ERC2: variants seen among roughly 807,000 people sequenced by gnomAD.
The protein encoded by ERC2 is ELKS/RAB6-interacting/CAST family member 2.
In ERC2, 42 loss-of-function variants were observed where a neutral mutation model predicts 114.8. The ratio of observed to expected loss-of-function variants is 0.37; its 90% confidence interval spans 0.29 to 0.47. The LOEUF is 0.47. ERC2 is among the 20% of genes least tolerant of loss of function. The pLI is 0.99. For missense variants in ERC2, 939 were observed against 1,150.7 expected, an observed-to-expected ratio of 0.82 and a Z score of 2.66; for synonymous variants, 454 against 425.5, an observed-to-expected ratio of 1.07 and a Z score of -0.82.
At chr3:55,562,028 A>T (rs1171501224) in intron 17 of ERC2, among the ~76,000 whole-genome samples, 1 of 152,196 alleles carries the variant, frequency 6.6e-6, no homozygotes, top group African/African-American at 2.4e-5. Flanking sequence ...AAGGAGTGGA[A>T]AGCCAAGTGA....
At position 56,179,452 on chromosome 3, in the gene ERC2, GT is replaced by G; in HGVS notation, c.1075-5933del. Among the ~76,000 whole-genome samples, 3 of 152,312 alleles carry G rather than the reference GT, an allele frequency of 2.0e-5. No individual in the cohort carries two copies. The South Asian group carries it at 6.2e-4, about 32-fold the overall frequency. Reference sequence around the variant, plus strand: ...ACTTTCTTAAAGGATTACTCCCAATGTTGTATTGCAGCATGGTTTCGGGGTG... The same window carrying G: ...ACTTTCTTAAAGGATTACTCCCAATGTGTATTGCAGCATGGTTTCGGGGTG... On this transcript the variant is annotated intron_variant, in intron 3 of 17. Transcript: ENST00000288221.
intron 14 of ERC2, among the ~76,000 whole-genome samples, chr3:55,844,089 GAAATACAA>G (rs963151635): frequency 6.6e-6 from 1 of 152,128 alleles, no homozygotes; most frequent in African/African-American, 2.4e-5. Context: ...TTTTCCTCCA[GAAATACAA>G]AAATGCATAG....
chr3:56,027,387 T>C (rs2074112625), intron 7 of ERC2, among the ~76,000 whole-genome samples: 1 of 152,204 alleles, frequency 6.6e-6, no homozygotes, highest in Admixed American at 6.5e-5. Flanking sequence ...TTATATAAGA[T>C]ACTACTGCAC....
chr3:56,420,799 CAGG>C (rs1367194269), intron 2 of ERC2, among the ~76,000 whole-genome samples: 127 of 150,362 alleles, frequency 8.4e-4, no homozygotes, highest in African/African-American at 2.6e-3. Flanking sequence ...GAGGCTGATG[CAGG>C]AGGAGAATGG....
chr3:56,116,622 G>T (rs2079251820), intron 6 of ERC2, among the ~76,000 whole-genome samples: 1 of 152,138 alleles, frequency 6.6e-6, no homozygotes, highest in Admixed American at 6.5e-5. Context: ...CATCATGAGG[G>T]ATTCCCTGAG....
chr3:55,705,129 A>G (rs2063415876), intron 15 of ERC2, among the ~76,000 whole-genome samples: 1 of 152,206 alleles, frequency 6.6e-6, no homozygotes, highest in Admixed American at 6.5e-5. Context: ...AAGCCTGACT[A>G]TAAAACCGTA....
At chr3:56,119,341 G>A (rs1322264156) in intron 6 of ERC2, among the ~76,000 whole-genome samples, 1 of 152,214 alleles carries the variant, frequency 6.6e-6, no homozygotes, top group Non-Finnish European at 1.5e-5. Flanking sequence ...ATGGGATCAT[G>A]TGAAATTGAC....
intron 3 of ERC2, among the ~76,000 whole-genome samples, chr3:56,248,799 T>G (rs539143073): frequency 6.6e-6 from 1 of 152,382 alleles, no homozygotes; most frequent in Non-Finnish European, 1.5e-5. Context: ...CAGAGGATAT[T>G]GGTCCTAGAC....
At chr3:55,753,531 T>A (rs1442130228) in intron 14 of ERC2, among the ~76,000 whole-genome samples, 1 of 152,216 alleles carries the variant, frequency 6.6e-6, no homozygotes, top group African/African-American at 2.4e-5. Context: ...ATGGTGATGG[T>A]GCAATTGGAT....
At chr3:56,194,520 A>G (rs1330648508) in intron 3 of ERC2, among the ~76,000 whole-genome samples, 2 of 152,196 alleles carry the variant, frequency 1.3e-5, no homozygotes, top group African/African-American at 4.8e-5. Flanking sequence ...GGCACTTACC[A>G]TGAATGGAGT....
intron 6 of ERC2, among the ~76,000 whole-genome samples, chr3:56,114,498 A>G (rs1327603635): frequency 2.6e-5 from 4 of 152,102 alleles, no homozygotes; most frequent in Non-Finnish European, 5.9e-5. Context: ...ATGGCCAGGA[A>G]CTCAGTTTTT....
chr3:56,374,031 T>C (rs1360358987), intron 2 of ERC2, among the ~76,000 whole-genome samples: 1 of 152,196 alleles, frequency 6.6e-6, no homozygotes, highest in Non-Finnish European at 1.5e-5. Context: ...TATAATATCA[T>C]CTTCAATCAA....
rs1577025711 is a variant in ERC2 at position 56,450,361 on chromosome 3, C to T, written c.-140-15214G>A. 2.0e-5 allele frequency among the ~76,000 whole-genome samples: 3 copies of T among 152,348 alleles called. No homozygotes were observed. The East Asian group carries it at 5.8e-4, about 29-fold the overall frequency. ...TCTTCCATACTACAAGGCAAGGGCT[C>T]TGCATGCCCAAATATTAGTTAACTG... On this transcript the variant is annotated intron_variant, in intron 1 of 17. Transcript: ENST00000288221.
At chr3:55,578,569 A>G (rs2057102870) in intron 17 of ERC2, among the ~76,000 whole-genome samples, 1 of 152,258 alleles carries the variant, frequency 6.6e-6, no homozygotes, top group Non-Finnish European at 1.5e-5. Context: ...TAAAAAATAC[A>G]GTGAAACAAA....
At chr3:55,564,366 C>G (rs186288319) in intron 17 of ERC2, among the ~76,000 whole-genome samples, 139 of 152,306 alleles carry the variant, frequency 9.1e-4, no homozygotes, top group Non-Finnish European at 1.6e-3. Context: ...TCATGCTTCC[C>G]TGATGCCCTC....
At chr3:56,286,281 T>C (rs1047766690) in intron 3 of ERC2, among the ~76,000 whole-genome samples, 1 of 151,574 alleles carries the variant, frequency 6.6e-6, no homozygotes, top group Non-Finnish European at 1.5e-5. Flanking sequence ...GAATGTGGTG[T>C]CGCATGCCTG....
Position 56,444,128 on chromosome 3 carries a change from A to AT in ERC2, c.-140-8982dup, listed in dbSNP as rs552859347. 1.3e-3 allele frequency among the ~76,000 whole-genome samples: 175 copies of AT among 134,832 alleles called. 1 individual carries two copies. The highest frequency in any genetic ancestry group is 3.8e-3 in the Middle Eastern group (1 of 264). 88.5% of individuals were successfully genotyped at this position (134,832 alleles called of 152,430 possible). Reference sequence around the variant, plus strand: ...AGGCGCCCACCACCACACCTGGCTAATTTTTTTTTTTTTTTTTTAGTTTTA... The same window carrying AT: ...AGGCGCCCACCACCACACCTGGCTAATTTTTTTTTTTTTTTTTTTAGTTTTA... On this transcript the variant is annotated intron_variant, in intron 1 of 17. Coordinates refer to ENST00000288221, the MANE Select transcript of ERC2 (RefSeq NM_015576.3).
chr3:55,942,527 G>A (rs1017874341), intron 13 of ERC2, among the ~76,000 whole-genome samples: 5 of 149,674 alleles, frequency 3.3e-5, no homozygotes, highest in Middle Eastern at 3.2e-3. Context: ...TCGATCTCCT[G>A]ACCTCGTGAT....
At position 56,310,634 on chromosome 3, in the gene ERC2, A is replaced by G. The variant is rs188394576; in HGVS notation, c.658-14199T>C. Among the ~76,000 whole-genome samples, 3 of 152,156 alleles carry G rather than the reference A, an allele frequency of 2.0e-5. No homozygotes were observed. In the East Asian group the frequency reaches 5.8e-4, roughly 29 times the overall value. On this transcript the variant is annotated intron_variant, in intron 2 of 17. Transcript: ENST00000288221. ...TACTTTAAAGTTTTAAAGAGGAGAG[A>G]TTTTCCCCATGTACCCTCCCTGCTT...
Sources: allele counts gnomAD v4.1 joint callset (sites outside exome capture counted in the v4.1 genomes callset), GRCh38; gene constraint gnomAD v4.1.1; transcripts MANE v1.5; gene names NCBI Gene and HGNC (gene_info 2026-07-23, HGNC 2026-07-21).